Variants in LDB2 observed in about 807,000 individuals in gnomAD.
LDB2 encodes LIM domain-binding protein 2.
LDB2 carries 12 observed loss-of-function variants against 44.3 expected under a neutral mutation model. That is an observed-to-expected ratio of 0.27 (90% CI 0.17 to 0.44). The LOEUF is 0.44. Among genes scored for constraint, LDB2 ranks in the 20% least tolerant of loss-of-function variants. The probability of loss-of-function intolerance (pLI) is 1.00; values close to 1 mark genes in which losing one functional copy is unlikely to be tolerated. For synonymous variants in LDB2, 164 were observed against 174.8 expected, an observed-to-expected ratio of 0.94 and a Z score of 0.49; for missense variants, 344 against 473.5, an observed-to-expected ratio of 0.73 and a Z score of 2.54.
At chr4:16,722,591 C>T (rs1758515747) in intron 2 of LDB2, among the ~76,000 whole-genome samples, 1 of 152,102 alleles carries the variant, frequency 6.6e-6, no homozygotes, top group Non-Finnish European at 1.5e-5. Flanking sequence ...GGCAAAGATG[C>T]CATCGTATCC....
Position 16,766,504 on chromosome 4 carries a change from G to A in LDB2, c.133-7244C>T, listed in dbSNP as rs200770778. ...TGTGTGTGTGTGTGTGTGTGTGTGT[G>A]TATATATTTTTTTTTTTTTGAGACA... On this transcript the variant is annotated intron_variant, in intron 1 of 7. Coordinates refer to ENST00000304523, the MANE Select transcript of LDB2 (RefSeq NM_001290.5). Among the ~76,000 whole-genome samples the A allele has an allele frequency of 2.5e-4, 18 of 71,986 alleles. 1 individual carries two copies. In the South Asian group the frequency reaches 3.0e-3, roughly 12 times the overall value. 47.2% of individuals were successfully genotyped at this position (71,986 alleles called of 152,430 possible).
intron 2 of LDB2, among the ~76,000 whole-genome samples, chr4:16,641,210 C>T (rs943102573): frequency 4.6e-5 from 7 of 152,082 alleles, no homozygotes. Flanking sequence ...GAGAAGCTGA[C>T]TTTATTTCAG....
intron 2 of LDB2, among the ~76,000 whole-genome samples, chr4:16,756,007 G>T (rs1766564093): frequency 6.6e-6 from 1 of 152,208 alleles, no homozygotes; most frequent in South Asian, 2.1e-4. Context: ...TCAGGGGAGT[G>T]AAGGGCTTAA....
chr4:16,809,577 T>A (rs1448265630), intron 1 of LDB2, among the ~76,000 whole-genome samples: 2 of 152,182 alleles, frequency 1.3e-5, no homozygotes, highest in Non-Finnish European at 2.9e-5. Flanking sequence ...CTGTCCCTTA[T>A]AGGATTTACG....
At chr4:16,737,711 A>T (rs953824624) in intron 2 of LDB2, among the ~76,000 whole-genome samples, 1 of 152,204 alleles carries the variant, frequency 6.6e-6, no homozygotes. Context: ...AATGTTTCTG[A>T]TTCTGTAAAG....
At chr4:16,822,150 C>T (rs1474480541) in intron 1 of LDB2, among the ~76,000 whole-genome samples, 1 of 151,782 alleles carries the variant, frequency 6.6e-6, no homozygotes, top group Non-Finnish European at 1.5e-5. Context: ...TTCATATATA[C>T]TTGCCTATGT....
chr4:16,521,244 G>C (rs544729052), intron 5 of LDB2, among the ~76,000 whole-genome samples: 1 of 152,104 alleles, frequency 6.6e-6, no homozygotes, highest in Non-Finnish European at 1.5e-5. Context: ...AGGCAGGGCC[G>C]AGCTCCCTCT....
At chr4:16,638,231 C>T (rs554379802) in intron 2 of LDB2, among the ~76,000 whole-genome samples, 10 of 152,250 alleles carry the variant, frequency 6.6e-5, no homozygotes, top group East Asian at 3.9e-4. Flanking sequence ...CAGGATACTA[C>T]GCAAAGACAG....
chr4:16,523,484 T>C (rs1384067640), intron 5 of LDB2, among the ~76,000 whole-genome samples: 2 of 152,196 alleles, frequency 1.3e-5, no homozygotes, highest in African/African-American at 4.8e-5. Flanking sequence ...ATCACTACTC[T>C]TACATTTTGG....
intron 1 of LDB2, among the ~76,000 whole-genome samples, chr4:16,821,104 G>T (rs1164316644): frequency 6.6e-6 from 1 of 152,146 alleles, no homozygotes; most frequent in East Asian, 1.9e-4. Context: ...AATGTGCAAA[G>T]TTGGAGCTAA....
intron 2 of LDB2, among the ~76,000 whole-genome samples, chr4:16,739,044 T>C (rs1030328689): frequency 3.3e-5 from 5 of 151,984 alleles, no homozygotes; most frequent in African/African-American, 1.2e-4. Context: ...CTGAGAGAGA[T>C]TGAAAGAGAA....
chr4:16,816,161 C>T (rs1314485805), intron 1 of LDB2, among the ~76,000 whole-genome samples: 4 of 152,000 alleles, frequency 2.6e-5, no homozygotes, highest in Non-Finnish European at 4.4e-5. Context: ...TGAGCGATCA[C>T]GCCATGGCAC....
intron 1 of LDB2, among the ~76,000 whole-genome samples, chr4:16,763,991 C>A (rs1043950361): frequency 3.3e-5 from 5 of 151,962 alleles, no homozygotes; most frequent in Admixed American, 2.6e-4. Context: ...TCTCATTTAA[C>A]CCTTAAGATA....
At chr4:16,885,125 G>A (rs1314862354) in intron 1 of LDB2, among the ~76,000 whole-genome samples, 1 of 138,704 alleles carries the variant, frequency 7.2e-6, no homozygotes, top group Non-Finnish European at 1.5e-5. Context: ...TTTGAGACCA[G>A]CCTGGGCAAC....
rs577361155 is a variant in LDB2, at chr4:16,611,450, C to T, written c.236-15575G>A. On this transcript the variant is annotated intron_variant, in intron 2 of 7. Transcript: ENST00000304523. The stretch of plus-strand genomic sequence containing the variant: ...GATATGGAGTCAAGACCAATTAGTG[C>T]GCTGTATTCAGGAGACCCATCTTAC... 3.0e-4 allele frequency among the ~76,000 whole-genome samples: 46 copies of T among 151,664 alleles called. No homozygotes were observed. The South Asian group carries it at 3.6e-3, about 12-fold the overall frequency.
chr4:16,894,934 A>C (rs543229711), intron 1 of LDB2, among the ~76,000 whole-genome samples: 1 of 152,180 alleles, frequency 6.6e-6, no homozygotes, highest in Admixed American at 6.5e-5. Flanking sequence ...TATTGATAAA[A>C]GAAAAAAAAA....
At chr4:16,702,525 G>A (rs1753681420) in intron 2 of LDB2, among the ~76,000 whole-genome samples, 1 of 152,214 alleles carries the variant, frequency 6.6e-6, no homozygotes, top group African/African-American at 2.4e-5. Context: ...TAGGTAAGGA[G>A]AAATGAAGGT....
intron 1 of LDB2, among the ~76,000 whole-genome samples, chr4:16,774,148 C>T (rs970121666): frequency 4.1e-5 from 5 of 123,410 alleles, no homozygotes; most frequent in African/African-American, 9.6e-5. Flanking sequence ...AGTGAGACTC[C>T]GTCTCAAAAA....
At chr4:16,874,066 G>T (rs1403616141) in intron 1 of LDB2, among the ~76,000 whole-genome samples, 2 of 151,840 alleles carry the variant, frequency 1.3e-5, no homozygotes, top group Non-Finnish European at 2.9e-5. Flanking sequence ...AGACATTTGG[G>T]GTTACTTCTG....
Sources: gnomAD v4.1 joint callset for allele counts (sites outside exome capture counted in the v4.1 genomes callset) on GRCh38, gnomAD v4.1.1 for gene constraint, MANE v1.5 for transcripts, NCBI Gene and HGNC (gene_info 2026-07-23, HGNC 2026-07-21) for gene names.